The following DOCK3 variants were observed in gnomAD, a reference collection of about 807,000 sequenced individuals.
The protein encoded by DOCK3 is dedicator of cytokinesis protein 3.
DOCK3 carries 60 observed loss-of-function variants against 265.6 expected under a neutral mutation model. That is an observed-to-expected ratio of 0.23 (90% CI 0.18 to 0.28). DOCK3 has a LOEUF of 0.28. Among genes scored for constraint, DOCK3 ranks in the 10% least tolerant of loss-of-function variants. The pLI, the probability that DOCK3 is intolerant of heterozygous loss-of-function variation, is 1.00. For missense variants in DOCK3, 1,981 were observed against 2,594.3 expected (o/e 0.76, Z 5.14); for synonymous variants, 881 against 938.0 (o/e 0.94, Z 1.11).
Position 51,266,435 on chromosome 3 carries a change from A to C in DOCK3, c.2356-4380A>C, listed in dbSNP as rs565862337. Among the ~76,000 whole-genome samples the C allele has an allele frequency of 3.3e-5, 5 of 152,364 alleles. No individual in the cohort carries two copies. In the East Asian group the frequency reaches 9.6e-4, roughly 29 times the overall value. ...ACTACCTGACTTCAAACTATACTAC[A>C]AGGCTACAGTAACCAAAACAGTATG... On this transcript the variant is annotated intron_variant, in intron 23 of 52. Transcript: ENST00000266037.
chr3:51,071,521 C>T (rs2081865019), intron 6 of DOCK3, among the ~76,000 whole-genome samples: 1 of 152,170 alleles, frequency 6.6e-6, no homozygotes, highest in South Asian at 2.1e-4. Flanking sequence ...TCTAAGCTAA[C>T]ATTTTGGCTA....
chr3:50,745,571 T>C (rs1362277051), intron 1 of DOCK3, among the ~76,000 whole-genome samples: 2 of 152,214 alleles, frequency 1.3e-5, no homozygotes, highest in Admixed American at 6.5e-5. Context: ...ACCAGGAACA[T>C]GTCCATGCTG....
chr3:51,051,050 C>G (rs1302470860), intron 5 of DOCK3, among the ~76,000 whole-genome samples: 1 of 152,052 alleles, frequency 6.6e-6, no homozygotes, highest in Non-Finnish European at 1.5e-5. Flanking sequence ...ATTTGTTTCA[C>G]TTTTGAGAAA....
At chr3:51,378,899 T>G (rs935968863) in intron 51 of DOCK3, among the ~76,000 whole-genome samples, 2 of 152,176 alleles carry the variant, frequency 1.3e-5, no homozygotes, top group Non-Finnish European at 2.9e-5. Context: ...GAACTGGGGT[T>G]CTGTAGACGC....
chr3:50,996,670 C>T (rs778782128), intron 5 of DOCK3, among the ~76,000 whole-genome samples: 9 of 152,072 alleles, frequency 5.9e-5, no homozygotes, highest in African/African-American at 7.2e-5. Flanking sequence ...AACTGTGTAA[C>T]GCTAGCCTAA....
chr3:51,378,308 C>A lies in DOCK3; in HGVS notation c.5501-1817C>A, dbSNP rs539954433. Among the ~76,000 whole-genome samples, 6 of 152,308 alleles carry A rather than the reference C, an allele frequency of 3.9e-5. No individual in the cohort carries two copies. In the South Asian group the frequency reaches 1.0e-3, roughly 26 times the overall value. On this transcript the variant is annotated intron_variant, in intron 51 of 52. Transcript: ENST00000266037. Reference sequence around the variant, plus strand: ...TGCTGCAAGCTCACGCCAGTTCCTGCGCAATGAGGAAGAAGAGGATGATGG... The same window carrying A: ...TGCTGCAAGCTCACGCCAGTTCCTGAGCAATGAGGAAGAAGAGGATGATGG...
chr3:51,265,709 TAAG>T, intron 23 of DOCK3, among the ~76,000 whole-genome samples: 1 of 152,162 alleles, frequency 6.6e-6, no homozygotes, highest in South Asian at 2.1e-4. Flanking sequence ...CTCAAAGTAA[TAAG>T]AGCTATTTAT....
intron 1 of DOCK3, among the ~76,000 whole-genome samples, chr3:50,707,769 G>C (rs147584799): frequency 6.6e-6 from 1 of 152,190 alleles, no homozygotes; most frequent in East Asian, 1.9e-4. Flanking sequence ...ATGCCCCTGG[G>C]TGGTGTGCAT....
intron 1 of DOCK3, among the ~76,000 whole-genome samples, chr3:50,710,730 G>A (rs1559539246): frequency 6.6e-6 from 1 of 152,174 alleles, no homozygotes; most frequent in Non-Finnish European, 1.5e-5. Flanking sequence ...AGCACAATTT[G>A]CAATTGCAAA....
chr3:50,776,171 T>C (rs2041585507), intron 1 of DOCK3, among the ~76,000 whole-genome samples: 1 of 152,210 alleles, frequency 6.6e-6, no homozygotes, highest in Admixed American at 6.5e-5. Flanking sequence ...CATACTGTTT[T>C]CTGTAACTGT....
intron 23 of DOCK3, among the ~76,000 whole-genome samples, chr3:51,265,746 G>A (rs2080127659): frequency 6.6e-6 from 1 of 152,122 alleles, no homozygotes; most frequent in African/African-American, 2.4e-5. Flanking sequence ...CCAATATACT[G>A]AATGGGTAAA....
At chr3:51,198,729 G>A (rs1383776665) in intron 12 of DOCK3, among the ~76,000 whole-genome samples, 4 of 152,142 alleles carry the variant, frequency 2.6e-5, no homozygotes, top group Non-Finnish European at 5.9e-5. Flanking sequence ...AGCTTTAGAA[G>A]GTGCACATCT....
At chr3:50,856,362 T>G (rs770285542) in intron 3 of DOCK3, among the ~76,000 whole-genome samples, 2 of 152,206 alleles carry the variant, frequency 1.3e-5, no homozygotes, top group Non-Finnish European at 1.5e-5. Flanking sequence ...TTTTGATTTT[T>G]TAATAAATAG....
At chr3:50,857,962 T>A (rs1458211802) in intron 3 of DOCK3, among the ~76,000 whole-genome samples, 1 of 152,202 alleles carries the variant, frequency 6.6e-6, no homozygotes, top group Non-Finnish European at 1.5e-5. Flanking sequence ...CATGCTGCTA[T>A]AAAGACACAT....
chr3:51,080,738 T>G (rs577118807), intron 7 of DOCK3, among the ~76,000 whole-genome samples: 1 of 152,350 alleles, frequency 6.6e-6, no homozygotes, highest in East Asian at 1.9e-4. Context: ...CTACCAAGAT[T>G]AGTAGTCCTT....
At chr3:50,723,568 A>G (rs781049361) in intron 1 of DOCK3, among the ~76,000 whole-genome samples, 2 of 152,302 alleles carry the variant, frequency 1.3e-5, no homozygotes, top group African/African-American at 4.8e-5. Context: ...CTGATCTTTG[A>G]CAAACTTGAC....
intron 5 of DOCK3, among the ~76,000 whole-genome samples, chr3:50,997,845 G>C (rs2078338065): frequency 6.6e-6 from 1 of 152,168 alleles, no homozygotes; most frequent in Non-Finnish European, 1.5e-5. Flanking sequence ...TTACCAAGAA[G>C]AGAAAATTAG....
chr3:50,768,971 G>T (rs1000525545), intron 1 of DOCK3, among the ~76,000 whole-genome samples: 6 of 151,758 alleles, frequency 4.0e-5, no homozygotes, highest in African/African-American at 1.5e-4. Context: ...ATAACTCATT[G>T]TGATTTTGAT....
At chr3:51,233,634 G>A (rs1348963879) in intron 19 of DOCK3, among the ~76,000 whole-genome samples, 2 of 152,130 alleles carry the variant, frequency 1.3e-5, no homozygotes, top group Non-Finnish European at 2.9e-5. Flanking sequence ...CTCCCAAAGT[G>A]CTGGGATTTC....
Sources: allele counts gnomAD v4.1 joint callset (sites outside exome capture counted in the v4.1 genomes callset), GRCh38; gene constraint gnomAD v4.1.1; transcripts MANE v1.5; gene names NCBI Gene and HGNC (gene_info 2026-07-23, HGNC 2026-07-21).